The following PHLPP1 variants were observed in gnomAD, a reference collection of about 807,000 sequenced individuals.
The protein encoded by PHLPP1 is PH domain and leucine rich repeat protein phosphatase 1.
In PHLPP1, 42 loss-of-function variants were observed where a neutral mutation model predicts 117.2. The observed-to-expected ratio is 0.36, with a 90% CI of 0.28 to 0.46. The LOEUF (loss-of-function observed/expected upper bound fraction) is 0.46. Among genes scored for constraint, PHLPP1 ranks in the 20% least tolerant of loss-of-function variants. PHLPP1 has a pLI of 1.00. For missense variants in PHLPP1, 2,084 were observed against 2,241.9 expected (o/e 0.93, Z 1.42); for synonymous variants, 1,042 against 970.7 (o/e 1.07, Z -1.37).
intron 10 of PHLPP1, among the ~76,000 whole-genome samples, chr18:62,922,633 T>G (rs1378726097): frequency 6.6e-6 from 1 of 152,156 alleles, no homozygotes; most frequent in Admixed American, 6.5e-5. Flanking sequence ...AGGAATGGAT[T>G]TAGGTTTTAG....
intron 1 of PHLPP1, among the ~76,000 whole-genome samples, chr18:62,762,632 T>G (rs1315936175): frequency 6.6e-6 from 1 of 152,112 alleles, no homozygotes; most frequent in Non-Finnish European, 1.5e-5. Flanking sequence ...CAGGCTGGTC[T>G]CGAACTCCTG....
chr18:62,820,236 C>T (rs552212911), intron 1 of PHLPP1, among the ~76,000 whole-genome samples: 1 of 152,152 alleles, frequency 6.6e-6, no homozygotes, highest in South Asian at 2.1e-4. Flanking sequence ...TAGACAGATC[C>T]ACAATTATAG....
Position 62,919,022 on chromosome 18 carries a change from G to T in PHLPP1, c.2805-937G>T, listed in dbSNP as rs940337827. 2.0e-5 allele frequency among the ~76,000 whole-genome samples: 3 copies of T among 152,170 alleles called. No individual in the cohort carries two copies. In the South Asian group the frequency reaches 6.2e-4, roughly 32 times the overall value. On this transcript the variant is annotated intron_variant, in intron 9 of 16. Transcript: ENST00000262719. ...TTGTGGGCATTTGTGAGTGAGATCAGAATGGTGGAAAACAGGAGGTGGATG... is the reference window on the plus strand; with the variant it reads ...TTGTGGGCATTTGTGAGTGAGATCATAATGGTGGAAAACAGGAGGTGGATG...
At chr18:62,926,090 G>A (rs770123287) in intron 10 of PHLPP1, among the ~76,000 whole-genome samples, 1 of 152,168 alleles carries the variant, frequency 6.6e-6, no homozygotes, top group Non-Finnish European at 1.5e-5. Flanking sequence ...ATATTTTAAG[G>A]TATAGTTCTT....
chr18:62,771,181 T>C (rs943600817), intron 1 of PHLPP1, among the ~76,000 whole-genome samples: 1 of 135,802 alleles, frequency 7.4e-6, no homozygotes, highest in Non-Finnish European at 1.5e-5. Context: ...GCCATTGCCC[T>C]CCAGCCTGGG....
At chr18:62,803,542 ATG>A (rs1913847239) in intron 1 of PHLPP1, among the ~76,000 whole-genome samples, 1 of 152,204 alleles carries the variant, frequency 6.6e-6, no homozygotes, top group Non-Finnish European at 1.5e-5. Context: ...GGTCATTGCT[ATG>A]TAGTTTTACA....
Position 62,979,409 on chromosome 18 carries a change from A to G in PHLPP1, c.5132A>G (p.Asp1711Gly), listed in dbSNP as rs1225012515. The change falls in exon 17 of 17, where the codon GAT becomes GGT. Residue 1711 changes from aspartate to glycine, a missense_variant. Asp to Gly is a moderately conservative substitution (Grantham distance 94). This residue lies in a region of PHLPP1 where 1,365 missense variants were observed against 1,605.9 expected (regional missense o/e 0.85). Transcript: ENST00000262719. ...CACTACCAGCTGGACCAGCTGCCAG[A>G]TTATTACGACACGCCACTATGACCC... ...PRHYQLDQLP[D>G]YYDTPL 1 of 1,551,408 alleles carries G rather than the reference A, an allele frequency of 6.4e-7. No homozygotes were observed. The highest frequency in any genetic ancestry group is 2.4e-5 in the East Asian group (1 of 40,932).
At chr18:62,874,289 C>G (rs374471277) in intron 4 of PHLPP1, among the ~76,000 whole-genome samples, 1 of 151,926 alleles carries the variant, frequency 6.6e-6, no homozygotes, top group East Asian at 1.9e-4. Context: ...AGGTAGATTA[C>G]CTGAGGTCAG....
At chr18:62,855,777 T>C (rs530224020) in intron 3 of PHLPP1, among the ~76,000 whole-genome samples, 1 of 152,322 alleles carries the variant, frequency 6.6e-6, no homozygotes, top group Admixed American at 6.5e-5. Flanking sequence ...AGGGAGTATT[T>C]AGTGGGATGC....
chr18:62,794,080 G>A (rs573902680), intron 1 of PHLPP1, among the ~76,000 whole-genome samples: 1 of 152,152 alleles, frequency 6.6e-6, no homozygotes, highest in East Asian at 1.9e-4. Context: ...AGGTTATGTG[G>A]CTCTCATGGA....
At chr18:62,792,898 C>T (rs1411084828) in intron 1 of PHLPP1, among the ~76,000 whole-genome samples, 3 of 144,884 alleles carry the variant, frequency 2.1e-5, no homozygotes, top group Non-Finnish European at 3.0e-5. Flanking sequence ...AAAAAGGTCA[C>T]GCACAGTGGC....
chr18:62,885,509 A>T (rs1475452137), intron 4 of PHLPP1, among the ~76,000 whole-genome samples: 1 of 152,084 alleles, frequency 6.6e-6, no homozygotes, highest in Admixed American at 6.6e-5. Context: ...AAAATACAAA[A>T]ATTAGCTGGG....
At chr18:62,967,104 ATAT>A (rs1910926271) in intron 14 of PHLPP1, among the ~76,000 whole-genome samples, 1 of 152,116 alleles carries the variant, frequency 6.6e-6, no homozygotes. Context: ...TAGCATGGAC[ATAT>A]TATGGTTTGT....
intron 1 of PHLPP1, among the ~76,000 whole-genome samples, chr18:62,796,112 T>C (rs954562886): frequency 3.9e-5 from 6 of 152,244 alleles, no homozygotes; most frequent in African/African-American, 1.4e-4. Flanking sequence ...TAGCTTGTGA[T>C]TAATTCCTTG....
intron 4 of PHLPP1, among the ~76,000 whole-genome samples, chr18:62,875,497 A>G (rs556067462): frequency 2.0e-4 from 30 of 151,728 alleles, no homozygotes; most frequent in Non-Finnish European, 3.8e-4. Flanking sequence ...TTTGTTTTCT[A>G]TATTTATCTT....
chr18:62,945,362 T>C, intron 12 of PHLPP1, 91 bp downstream of exon 12: 1 of 1,102,264 alleles, frequency 9.1e-7, no homozygotes, highest in South Asian at 1.8e-5. Flanking sequence ...TGCATCTTTG[T>C]TGGATTTATT....
At position 62,903,055 on chromosome 18, in the gene PHLPP1, C is replaced by G; in HGVS notation, c.2536C>G (p.Leu846Val). 6.2e-7 allele frequency: 1 copy of G among 1,612,768 alleles called. No homozygotes were observed. Among genetic ancestry groups the G allele is most frequent in the Non-Finnish European group, 8.5e-7 (1 of 1,178,948 alleles). Residue 846 changes from leucine (L) to valine (V), a missense_variant, in exon 7 of 17, where the codon CTA (leucine) becomes GTA (valine). Transcript: ENST00000262719. The stretch of plus-strand genomic sequence containing the variant: ...CCTACGAGACAATAAGCTTGGTGAT[C>G]TAGATGCTATGATTTTCAACAACAT... ...LDLRDNKLGD[L>V]DAMIFNNIEV...
chr18:62,857,655 A>C (rs961275826), intron 3 of PHLPP1, among the ~76,000 whole-genome samples: 3 of 152,202 alleles, frequency 2.0e-5, no homozygotes, highest in Admixed American at 1.3e-4. Flanking sequence ...CTGAGGCTTC[A>C]AGTTTGGGCT....
At chr18:62,952,970 G>A (rs1910506743) in intron 12 of PHLPP1, among the ~76,000 whole-genome samples, 1 of 152,100 alleles carries the variant, frequency 6.6e-6, no homozygotes, top group South Asian at 2.1e-4. Flanking sequence ...TGACTCTCAG[G>A]TCTGTGTTTA....
Sources: allele counts gnomAD v4.1 joint callset (sites outside exome capture counted in the v4.1 genomes callset), GRCh38; gene constraint gnomAD v4.1.1; regional missense constraint gnomAD v4.1.1; transcripts MANE v1.5; gene names NCBI Gene and HGNC (gene_info 2026-07-23, HGNC 2026-07-21).